The following CHRNB1 variants were observed in gnomAD, a reference collection of about 807,000 sequenced individuals.
CHRNB1 encodes acetylcholine receptor subunit beta.
A neutral mutation model predicts 53.8 loss-of-function variants in CHRNB1; 47 were observed. The observed-to-expected ratio is 0.87, with a 90% CI of 0.69 to 1.11. CHRNB1 has a LOEUF of 1.11. Among genes scored for constraint, CHRNB1 ranks in the 50% most tolerant of loss-of-function variants. The pLI is 0.00. For missense variants in CHRNB1, 605 were observed against 654.9 expected (o/e 0.92, Z 0.83); for synonymous variants, 259 against 263.5 (o/e 0.98, Z 0.16).
chr17:7,447,009 G>A (rs1908665513), intron 4 of CHRNB1, 34 bp from the exon 5 acceptor site: 2 of 1,611,264 alleles, frequency 1.2e-6, no homozygotes, highest in Non-Finnish European at 1.7e-6. Context: ...TCCGGGCGCG[G>A]GGCCTGATCC....
At chr17:7,446,726 C>T (rs1012193272) in intron 3 of CHRNB1, 107 bp from the exon 4 acceptor site, 12 of 837,772 alleles carry the variant, frequency 1.4e-5, no homozygotes, top group South Asian at 5.8e-5. Flanking sequence ...ACAGTTTATG[C>T]CTGTCCTGCT....
chr17:7,445,878 C>A lies in CHRNB1; in HGVS notation c.199-191C>A. ...TAGGTTGATAGGCTGGGAGTGTAGA[C>A]GGCAGGAAGAGGTGTTTCTGAGATA... On this transcript the variant is annotated intron_variant, in intron 2 of 10. Coordinates refer to ENST00000306071, the MANE Select transcript of CHRNB1 (RefSeq NM_000747.3). This position sits in a 1 kb window ranked among gnomAD's most constrained non-coding sequence, Gnocchi z 5.7. 4.6e-6 allele frequency: 3 copies of A among 652,286 alleles called. No homozygotes were observed. Among genetic ancestry groups the A allele is most frequent in the Non-Finnish European group, 8.3e-6 (3 of 363,122 alleles). 40.4% of individuals were successfully genotyped at this position (652,286 alleles called of 1,614,324 possible). A position where few individuals can be genotyped will look rare whatever the true frequency, so the allele number is the denominator to read the frequency against.
At chr17:7,455,626 C>A in intron 9 of CHRNB1, 168 bp from the exon 10 acceptor site, 3 of 1,204,690 alleles carry the variant, frequency 2.5e-6, no homozygotes, top group Non-Finnish European at 3.7e-6. Context: ...AAAACAGAGG[C>A]GGTGGAAGAA....
At position 7,445,139 on chromosome 17, in the gene CHRNB1, G is replaced by A. The variant is rs1908541265; in HGVS notation, c.12G>A (p.Gly4=). 12 of 1,609,046 alleles carry A rather than the reference G, an allele frequency of 7.5e-6. No homozygotes were observed. The highest frequency in any genetic ancestry group is 1.3e-5 in the African/African-American group (1 of 74,996). MTP[G]ALLMLLGALG... ...CGAGCCGCCAGGCTATGACCCCAGG[G>A]GCTCTGCTGATGCTGCTGGGGGCGC... is the stretch of plus-strand genomic sequence containing the variant. The change falls in exon 1 of 11, where the codon GGG becomes GGA. Residue 4 remains glycine (G), a synonymous_variant. Transcript: ENST00000306071. The surrounding 1 kb of genome is among the most constrained non-coding windows in gnomAD (Gnocchi z 5.7).
At chr17:7,446,657 T>C in intron 3 of CHRNB1, 176 bp from the exon 4 acceptor site, 1 of 611,622 alleles carries the variant, frequency 1.6e-6, no homozygotes, top group South Asian at 1.9e-5. Flanking sequence ...GGAAATTAGC[T>C]GATGTGGATC....
chr17:7,450,736 G>C (rs1172662558), intron 7 of CHRNB1, among the ~76,000 whole-genome samples: 1 of 152,238 alleles, frequency 6.6e-6, no homozygotes. Context: ...TAAAGAGGCT[G>C]AAGGAGTTTA....
chr17:7,450,652 T>A (rs1345788426), intron 7 of CHRNB1, among the ~76,000 whole-genome samples: 1 of 152,244 alleles, frequency 6.6e-6, no homozygotes, highest in African/African-American at 2.4e-5. Context: ...ACATGGTACA[T>A]GTACTAATTC....
rs1395827140 is a variant in CHRNB1, at chr17:7,448,600, T to C, written c.632T>C (p.Ile211Thr). ...CCAGAGAATGGCCAGTGGGAGATTA[T>C]CCACAAGCCCTCTCGGCTAATCCAG... ...TFIENGQWEI[I>T]HKPSRLIQPP... Residue 211 changes from isoleucine (I) to threonine (T), a missense_variant, in exon 7 of 11, where the codon ATC becomes ACC. Physicochemically the swap from Ile to Thr is moderately conservative, Grantham distance 89. Coordinates refer to ENST00000306071, the MANE Select transcript of CHRNB1 (RefSeq NM_000747.3). The C allele has an allele frequency of 6.2e-7, 1 of 1,614,098 alleles. No individual in the cohort carries two copies.
intron 6 of CHRNB1, among the ~76,000 whole-genome samples, 197 bp downstream of exon 6, chr17:7,447,847 G>A (rs1445585980): frequency 1.3e-5 from 2 of 152,102 alleles, no homozygotes; most frequent in African/African-American, 4.8e-5. Context: ...GGAAGCCGAG[G>A]CGGGCGGATC....
chr17:7,446,180 C>G (rs1041428351), intron 3 of CHRNB1, 67 bp downstream of exon 3: 83 of 1,341,776 alleles, frequency 6.2e-5, no homozygotes, highest in Non-Finnish European at 8.2e-5. Flanking sequence ...AATATCCAGC[C>G]CAGTAAGAAT....
At position 7,446,925 on chromosome 17, in the gene CHRNB1, C is replaced by T. The variant is rs1908657893; in HGVS notation, c.336C>T (p.Asp112=). 7 of 1,548,654 alleles carry T rather than the reference C, an allele frequency of 4.5e-6. No individual in the cohort carries two copies. The highest frequency in any genetic ancestry group is 1.7e-5 in the Admixed American group (1 of 57,418). ...CGGCGGAATCCGTGTGGCTCCCTGA[C>T]GTGGTGCTACTGAACAAGTAGGAGA... ...RITAESVWLP[D]VVLLNNNDGN... is the part of the protein sequence containing the mutation. The change falls in exon 4 of 11, where the codon GAC becomes GAT. Residue 112 remains aspartate (D), a synonymous_variant. Transcript: ENST00000306071.
In CHRNB1 at chr17:7,445,090, G is replaced by A. The variant is rs1471339400; in HGVS notation, c.-38G>A. 9 of 1,597,030 alleles carry A rather than the reference G, an allele frequency of 5.6e-6. No individual in the cohort carries two copies. The highest frequency in any genetic ancestry group is 2.2e-4 in the Middle Eastern group (1 of 4,458). The stretch of plus-strand genomic sequence containing the variant: ...CTTCCCCTGTGCTGGCGGTCCCAGC[G>A]GCTCTCTGAGCGAAGTCACTGAGCG... On this transcript the variant is annotated 5_prime_UTR_variant, in exon 1 of 11. Coordinates refer to ENST00000306071, the MANE Select transcript of CHRNB1 (RefSeq NM_000747.3). This position sits in a 1 kb window ranked among gnomAD's most constrained non-coding sequence, Gnocchi z 5.7.
intron 7 of CHRNB1, among the ~76,000 whole-genome samples, chr17:7,451,269 C>CTTTTTTTTTTTT (rs1370012289): frequency 8.1e-6 from 1 of 123,994 alleles, no homozygotes; most frequent in African/African-American, 3.2e-5. Context: ...CTTTTCTTTT[C>CTTTTTTTTTTTT]TTTTCTTTTT....
rs146117123 is a variant in CHRNB1, at chr17:7,447,095, G to A, written c.406G>A (p.Asp136Asn). ...ALDISVVVSS[D>N]GSVRWQPPGI... ...GGACATTAGCGTCGTGGTGTCCTCCGACGGCTCCGTGCGTTGGCAACCCCC... is the reference window on the plus strand; with the variant it reads ...GGACATTAGCGTCGTGGTGTCCTCCAACGGCTCCGTGCGTTGGCAACCCCC... Residue 136 changes from aspartate (D) to asparagine (N), a missense_variant, in exon 5 of 11, where the codon GAC (aspartate) becomes AAC (asparagine). Asp to Asn is a conservative substitution (Grantham distance 23, BLOSUM62 1). Coordinates refer to ENST00000306071, the MANE Select transcript of CHRNB1 (RefSeq NM_000747.3). The A allele has an allele frequency of 6.2e-6, 10 of 1,614,118 alleles. No homozygotes were observed. The South Asian group carries it at 6.6e-5, about 11-fold the overall frequency.
At chr17:7,446,444 G>T (rs1908634431) in intron 3 of CHRNB1, 1 of 522,298 alleles carries the variant, frequency 1.9e-6, no homozygotes, top group African/African-American at 1.9e-5. Context: ...GCCTCGGGGG[G>T]AACCTCCACA....
intron 5 of CHRNB1, 77 bp downstream of exon 5, chr17:7,447,228 G>T: frequency 3.3e-6 from 4 of 1,195,002 alleles, no homozygotes; most frequent in Non-Finnish European, 3.7e-6. Context: ...ACTCCCCGGC[G>T]ACTCCCATCC....
chr17:7,452,056 T>C (rs915732105), intron 7 of CHRNB1, among the ~76,000 whole-genome samples: 7 of 132,522 alleles, frequency 5.3e-5, no homozygotes, highest in Non-Finnish European at 1.1e-4. Flanking sequence ...CTTTCCTTTT[T>C]CTTTTTTTTT....
Position 7,445,546 on chromosome 17 carries a change from A to G in CHRNB1, c.198+137A>G, listed in dbSNP as rs1399841020. The G allele has an allele frequency of 1.3e-6, 2 of 1,513,648 alleles. No individual in the cohort carries two copies. Among genetic ancestry groups the G allele is most frequent in the Non-Finnish European group, 1.8e-6 (2 of 1,135,004 alleles). 93.8% of individuals were successfully genotyped at this position (1,513,648 alleles called of 1,614,324 possible). On this transcript the variant is annotated intron_variant, in intron 2 of 10. Coordinates refer to ENST00000306071, the MANE Select transcript of CHRNB1 (RefSeq NM_000747.3). The surrounding 1 kb of genome is among the most constrained non-coding windows in gnomAD (Gnocchi z 5.7). ...TGAGATGGACCAGCCTTTGGTGAAG[A>G]TTGGATCGAAATCAGACCAATGGAC...
chr17:7,455,661 T>A, intron 9 of CHRNB1, 133 bp from the exon 10 acceptor site: 1 of 1,338,986 alleles, frequency 7.5e-7, no homozygotes. Context: ...GAGAGATCAC[T>A]GCTGGAGGGA....
Sources: allele counts gnomAD v4.1 joint callset (sites outside exome capture counted in the v4.1 genomes callset), GRCh38; gene constraint gnomAD v4.1.1; non-coding constraint Gnocchi (gnomAD v3.1); transcripts MANE v1.5; gene names NCBI Gene and HGNC (gene_info 2026-07-23, HGNC 2026-07-21).